MRAP2: variants seen among roughly 807,000 people sequenced by gnomAD.
The protein encoded by MRAP2 is melanocortin 2 receptor accessory protein 2, also known as melanocortin-2 receptor accessory protein 2.
In MRAP2, 20 loss-of-function variants were observed where a neutral mutation model predicts 17.4. That is an observed-to-expected ratio of 1.15 (90% CI 0.81 to 1.67). The LOEUF (loss-of-function observed/expected upper bound fraction) is 1.67. Among genes scored for constraint, MRAP2 ranks in the 40% most tolerant of loss-of-function variants. The probability of loss-of-function intolerance (pLI) is 0.00; values close to 1 mark genes in which losing one functional copy is unlikely to be tolerated. For missense variants in MRAP2, 238 were observed against 240.0 expected, an observed-to-expected ratio of 0.99 and a Z score of 0.05; for synonymous variants, 96 against 88.4, an observed-to-expected ratio of 1.09 and a Z score of -0.48.
intron 3 of MRAP2, among the ~76,000 whole-genome samples, chr6:84,086,146 G>A (rs1051738245): frequency 2.6e-5 from 4 of 152,202 alleles, no homozygotes; most frequent in Non-Finnish European, 5.9e-5. Context: ...ATGGTAATGG[G>A]TCATTGCAAT....
chr6:84,122,229 C>A, the MRAP2 span, among the ~76,000 whole-genome samples: 30 of 151,720 alleles, frequency 2.0e-4, no homozygotes, highest in African/African-American at 6.8e-4. Flanking sequence ...TACAGTGTCA[C>A]CCTGATACCA....
rs201910358 is a variant in MRAP2 at position 84,055,315 on chromosome 6, G to T, written c.-4G>T. ...TTGACTTTCTCCATTTGTGCAGGTC[G>T]GAGATGTCCGCCCAGAGGTTAATTT... On this transcript the variant is annotated 5_prime_UTR_variant, in exon 2 of 4. Transcript: ENST00000257776. 2 of 1,611,882 alleles carry T rather than the reference G, an allele frequency of 1.2e-6. No homozygotes were observed. Among genetic ancestry groups the T allele is most frequent in the South Asian group, 2.2e-5 (2 of 90,510 alleles).
chr6:84,048,743 C>T (rs1242960701), intron 1 of MRAP2, among the ~76,000 whole-genome samples: 2 of 152,222 alleles, frequency 1.3e-5, no homozygotes, highest in African/African-American at 4.8e-5. Flanking sequence ...ATTCTACATT[C>T]ACCAGCTAAT....
rs1183043987 is a variant in MRAP2, at chr6:84,055,185, C to T, written c.-7-127C>T. The T allele has an allele frequency of 9.9e-6, 10 of 1,013,220 alleles. No individual in the cohort carries two copies. In the South Asian group the frequency reaches 1.5e-4, roughly 15 times the overall value. The allele number at this position is 1,013,220 out of a possible 1,614,324, so 62.8% of individuals were successfully genotyped here. ...GCAGCTGGTAAGAACCTCTCCTGGC[C>T]TAGGAGGTAAGACCTCCTCAAGGGG... On this transcript the variant is annotated intron_variant, in intron 1 of 3. Transcript: ENST00000257776.
chr6:84,049,543 C>G (rs2099489860), intron 1 of MRAP2, among the ~76,000 whole-genome samples: 1 of 152,174 alleles, frequency 6.6e-6, no homozygotes, highest in Non-Finnish European at 1.5e-5. Flanking sequence ...TTTATGAATC[C>G]AAACTGCTTG....
intron 1 of MRAP2, among the ~76,000 whole-genome samples, chr6:84,051,991 C>T (rs146786413): frequency 6.6e-6 from 1 of 152,214 alleles, no homozygotes; most frequent in African/African-American, 2.4e-5. Context: ...CCTTTCAGGG[C>T]TAGCTTTCGG....
intron 1 of MRAP2, among the ~76,000 whole-genome samples, chr6:84,040,759 C>A (rs2099487330): frequency 6.6e-6 from 1 of 152,070 alleles, no homozygotes; most frequent in African/African-American, 2.4e-5. Context: ...TGTGGATCAT[C>A]AGAGAGATGA....
At chr6:84,044,937 A>G (rs1239511470) in intron 1 of MRAP2, among the ~76,000 whole-genome samples, 3 of 152,244 alleles carry the variant, frequency 2.0e-5, no homozygotes, top group Non-Finnish European at 2.9e-5. Context: ...CTAGATTTGA[A>G]CAAAAAAAGG....
At chr6:84,064,327 C>G (rs2099493971) in intron 3 of MRAP2, among the ~76,000 whole-genome samples, 1 of 152,030 alleles carries the variant, frequency 6.6e-6, no homozygotes, top group African/African-American at 2.4e-5. Flanking sequence ...CCCTCCTTCC[C>G]ATTTCTCACC....
the MRAP2 span, among the ~76,000 whole-genome samples, chr6:84,144,288 G>A: frequency 2.0e-5 from 3 of 151,920 alleles, no homozygotes; most frequent in Admixed American, 6.6e-5. Context: ...GTATGGATAC[G>A]TTATTAACAA....
the MRAP2 span, among the ~76,000 whole-genome samples, chr6:84,098,634 C>T: frequency 6.0e-3 from 920 of 152,190 alleles, 10 homozygotes; most frequent in Non-Finnish European, 9.6e-3. Context: ...CATATTGTAA[C>T]ATCAGTCTTT....
downstream of MRAP2, chr6:84,090,921 T>A (rs2099501664): frequency 6.6e-6 from 1 of 152,208 alleles, no homozygotes; most frequent in South Asian, 2.1e-4. Flanking sequence ...CACATCCAAT[T>A]TTTTGTTTCC....
the MRAP2 span, among the ~76,000 whole-genome samples, chr6:84,137,420 C>T: frequency 1.2e-4 from 18 of 152,114 alleles, no homozygotes; most frequent in African/African-American, 2.4e-4. Context: ...AGAATATTTG[C>T]GACAAATTAC....
chr6:84,126,605 A>C, the MRAP2 span: 3 of 949,626 alleles, frequency 3.2e-6, no homozygotes, highest in Non-Finnish European at 4.5e-6. Flanking sequence ...AAATTTCTCT[A>C]TATAAGTAAG....
chr6:84,097,824 T>C, the MRAP2 span, among the ~76,000 whole-genome samples: 1 of 152,212 alleles, frequency 6.6e-6, no homozygotes. Context: ...AATCCATTGA[T>C]ACAACATGGG....
chr6:84,064,575 C>T (rs2099494088), intron 3 of MRAP2, among the ~76,000 whole-genome samples: 1 of 152,098 alleles, frequency 6.6e-6, no homozygotes, highest in South Asian at 2.1e-4. Flanking sequence ...GCAAGCTCCG[C>T]CTCCCGGGTT....
chr6:84,060,852 A>AT (rs771171189), intron 2 of MRAP2, among the ~76,000 whole-genome samples: 3,606 of 119,414 alleles, frequency 0.03, 225 homozygotes, highest in African/African-American at 0.082. Flanking sequence ...CACCCGGCTA[A>AT]TTTTTTTTTT....
At chr6:84,115,011 ACCCCTGCTG>A in the MRAP2 span, among the ~76,000 whole-genome samples, 2 of 151,918 alleles carry the variant, frequency 1.3e-5, no homozygotes, top group African/African-American at 4.8e-5. Flanking sequence ...GTGTCTGTTG[ACCCCTGCTG>A]GGAGGTGTCT....
intron 1 of MRAP2, among the ~76,000 whole-genome samples, chr6:84,037,866 G>A (rs927557869): frequency 6.6e-6 from 1 of 152,070 alleles, no homozygotes; most frequent in Non-Finnish European, 1.5e-5. Context: ...CTCCAGCCTC[G>A]GCCAGCCCAG....
Sources: gnomAD v4.1 joint callset for allele counts (sites outside exome capture counted in the v4.1 genomes callset) on GRCh38, gnomAD v4.1.1 for gene constraint, MANE v1.5 for transcripts, NCBI Gene and HGNC (gene_info 2026-07-23, HGNC 2026-07-21) for gene names.